Variants in RNLS observed in about 807,000 individuals in gnomAD.
RNLS encodes the protein renalase, FAD dependent amine oxidase, also known as renalase.
RNLS carries 39 observed loss-of-function variants against 39.8 expected under a neutral mutation model. The observed-to-expected ratio is 0.98, with a 90% CI of 0.76 to 1.28. The LOEUF (loss-of-function observed/expected upper bound fraction) is 1.28. Ranked by LOEUF, RNLS falls within the 50% of genes most tolerant of loss-of-function variation. The pLI is 0.00. For missense variants in RNLS, 410 were observed against 413.3 expected, an observed-to-expected ratio of 0.99 and a Z score of 0.07; for synonymous variants, 147 against 150.7, an observed-to-expected ratio of 0.98 and a Z score of 0.18.
At chr10:88,502,476 G>A (rs190652569) in intron 4 of RNLS, among the ~76,000 whole-genome samples, 44 of 152,200 alleles carry the variant, frequency 2.9e-4, no homozygotes, top group African/African-American at 9.6e-4. Context: ...TGATCCCCTT[G>A]CACAGGGCTG....
intron 4 of RNLS, among the ~76,000 whole-genome samples, chr10:88,398,795 A>G (rs1424700108): frequency 1.3e-5 from 2 of 152,082 alleles, no homozygotes; most frequent in Non-Finnish European, 2.9e-5. Flanking sequence ...ATTGGACTTC[A>G]TCAAAATTAA....
At chr10:88,277,510 A>AT (rs938268305) in intron 6 of RNLS, among the ~76,000 whole-genome samples, 11 of 152,150 alleles carry the variant, frequency 7.2e-5, no homozygotes, top group Non-Finnish European at 1.5e-4. Flanking sequence ...TTTGCATTCC[A>AT]TTTTTTGTTA....
At chr10:88,425,969 C>CA (rs1214603007) in intron 4 of RNLS, among the ~76,000 whole-genome samples, 1 of 152,012 alleles carries the variant, frequency 6.6e-6, no homozygotes, top group South Asian at 2.1e-4. Flanking sequence ...ATAGAATGCA[C>CA]AAGTGTCCCT....
At chr10:88,355,943 T>G (rs1240214806) in intron 5 of RNLS, among the ~76,000 whole-genome samples, 2 of 152,230 alleles carry the variant, frequency 1.3e-5, no homozygotes, top group African/African-American at 4.8e-5. Context: ...CGCTGCTGCC[T>G]TGCAGTTCGA....
At chr10:88,309,551 T>C (rs2133018992) in intron 6 of RNLS, 1 of 922,950 alleles carries the variant, frequency 1.1e-6, no homozygotes. Context: ...CTCCTAGCAG[T>C]ACTATGGGTA....
chr10:88,491,962 T>G (rs1017758207), intron 4 of RNLS, among the ~76,000 whole-genome samples: 8 of 151,580 alleles, frequency 5.3e-5, no homozygotes, highest in South Asian at 2.1e-4. Flanking sequence ...GTTTTGTTTT[T>G]TTTTTTTTTT....
chr10:88,440,333 A>T (rs895343303), intron 4 of RNLS, among the ~76,000 whole-genome samples: 3 of 152,190 alleles, frequency 2.0e-5, no homozygotes, highest in Non-Finnish European at 4.4e-5. Flanking sequence ...TACTCCTCCA[A>T]TCAAAGCACT....
chr10:88,579,489 G>A (rs1481767514), intron 3 of RNLS, among the ~76,000 whole-genome samples: 1 of 152,120 alleles, frequency 6.6e-6, no homozygotes, highest in African/African-American at 2.4e-5. Flanking sequence ...TGAATGCAAG[G>A]CCAGAGATAG....
At chr10:88,341,058 C>A (rs1432966998) in intron 5 of RNLS, among the ~76,000 whole-genome samples, 31 of 128,490 alleles carry the variant, frequency 2.4e-4, no homozygotes, top group Non-Finnish European at 3.3e-4. Flanking sequence ...GATTCTGTCT[C>A]AAAAAAAAAA....
At chr10:88,415,477 T>C (rs1853958446) in intron 4 of RNLS, among the ~76,000 whole-genome samples, 1 of 151,718 alleles carries the variant, frequency 6.6e-6, no homozygotes, top group Non-Finnish European at 1.5e-5. Context: ...TTAAATGACT[T>C]TTTTCCCCCC....
the RNLS span, among the ~76,000 whole-genome samples, chr10:88,206,440 C>T: frequency 2.6e-5 from 4 of 152,052 alleles, no homozygotes. Flanking sequence ...AAAATGCTAT[C>T]CTGGAGAGCT....
At chr10:88,540,104 C>T (rs1847964286) in intron 4 of RNLS, among the ~76,000 whole-genome samples, 1 of 152,096 alleles carries the variant, frequency 6.6e-6, no homozygotes, top group African/African-American at 2.4e-5. Flanking sequence ...CTTGTTAACA[C>T]ATTTTTATAA....
chr10:88,493,737 T>C (rs757550392), intron 4 of RNLS, among the ~76,000 whole-genome samples: 10 of 152,090 alleles, frequency 6.6e-5, no homozygotes, highest in Non-Finnish European at 1.3e-4. Context: ...GCTTTTTCAC[T>C]GTAAGGTCAA....
chr10:88,445,193 C>A (rs1224932226), intron 4 of RNLS, among the ~76,000 whole-genome samples: 1 of 152,120 alleles, frequency 6.6e-6, no homozygotes, highest in Non-Finnish European at 1.5e-5. Context: ...AATTTTCAAG[C>A]CAGAATTTCA....
At chr10:88,328,786 A>G (rs1846844915) in intron 5 of RNLS, among the ~76,000 whole-genome samples, 1 of 151,942 alleles carries the variant, frequency 6.6e-6, no homozygotes, top group South Asian at 2.1e-4. Flanking sequence ...TATACAGTTA[A>G]TGTTTGTTTT....
chr10:88,408,893 T>C (rs1853470353), intron 4 of RNLS, among the ~76,000 whole-genome samples: 2 of 152,126 alleles, frequency 1.3e-5, no homozygotes, highest in South Asian at 2.1e-4. Flanking sequence ...TATTTCTCTA[T>C]GAAAAGTTAG....
At chr10:88,396,257 A>G (rs1477247401) in intron 4 of RNLS, among the ~76,000 whole-genome samples, 1 of 152,086 alleles carries the variant, frequency 6.6e-6, no homozygotes, top group African/African-American at 2.4e-5. Context: ...TTAGAAAGTA[A>G]TAATTATAAA....
intron 4 of RNLS, among the ~76,000 whole-genome samples, chr10:88,561,925 A>G (rs1213527001): frequency 6.6e-6 from 1 of 152,204 alleles, no homozygotes; most frequent in Admixed American, 6.6e-5. Context: ...TAAGCTTATG[A>G]AAAGAGGCTC....
chr10:88,210,869 T>C, the RNLS span, among the ~76,000 whole-genome samples: 1 of 152,066 alleles, frequency 6.6e-6, no homozygotes, highest in African/African-American at 2.4e-5. Context: ...TAAGTGTGAG[T>C]GTGTCTGGGT....
Sources: allele counts gnomAD v4.1 joint callset (sites outside exome capture counted in the v4.1 genomes callset), GRCh38; gene constraint gnomAD v4.1.1; transcripts MANE v1.5; gene names NCBI Gene and HGNC (gene_info 2026-07-23, HGNC 2026-07-21).